Variants in TMTC1 observed in about 807,000 individuals in gnomAD.
TMTC1 encodes the protein transmembrane O-mannosyltransferase targeting cadherins 1, also known as protein O-mannosyl-transferase TMTC1.
TMTC1 carries 73 observed loss-of-function variants against 104.8 expected under a neutral mutation model. The ratio of observed to expected loss-of-function variants is 0.70; its 90% CI spans 0.58 to 0.85. The LOEUF (loss-of-function observed/expected upper bound fraction) is 0.85, where lower values mean the gene tolerates loss of function less well. TMTC1 is among the 40% of genes least tolerant of loss of function. The pLI, the probability that TMTC1 is intolerant of heterozygous loss-of-function variation, is 0.00. For missense variants in TMTC1, 1,035 were observed against 1,096.1 expected, an observed-to-expected ratio of 0.94 and a Z score of 0.79; for synonymous variants, 434 against 428.7, an observed-to-expected ratio of 1.01 and a Z score of -0.15.
At chr12:29,637,081 G>A (rs1412015974) in intron 5 of TMTC1, among the ~76,000 whole-genome samples, 1 of 52,090 alleles carries the variant, frequency 1.9e-5, no homozygotes, top group Non-Finnish European at 4.4e-5. Flanking sequence ...GAAACAAAAT[G>A]AGAAACACAC....
At chr12:29,561,703 T>C (rs1945382105) in intron 9 of TMTC1, among the ~76,000 whole-genome samples, 2 of 152,232 alleles carry the variant, frequency 1.3e-5, no homozygotes, top group Non-Finnish European at 2.9e-5. Flanking sequence ...GAGTTAAGAA[T>C]GCTGTTTACT....
chr12:29,518,679 T>G, intron 12 of TMTC1, 72 bp from the exon 13 acceptor site: 2 of 1,533,728 alleles, frequency 1.3e-6, no homozygotes, highest in Non-Finnish European at 1.8e-6. Flanking sequence ...TCACTTTCTC[T>G]TCTGACTTAT....
At chr12:29,649,478 G>T (rs1381618122) in intron 5 of TMTC1, among the ~76,000 whole-genome samples, 1 of 152,224 alleles carries the variant, frequency 6.6e-6, no homozygotes, top group Non-Finnish European at 1.5e-5. Context: ...CAGGACTGCG[G>T]ACAGGTGGGT....
At chr12:29,674,690 A>G (rs926374537) in intron 5 of TMTC1, among the ~76,000 whole-genome samples, 1 of 152,206 alleles carries the variant, frequency 6.6e-6, no homozygotes, top group Non-Finnish European at 1.5e-5. Flanking sequence ...AATCCAGCCC[A>G]TGCTCTGTTC....
intron 5 of TMTC1, among the ~76,000 whole-genome samples, chr12:29,738,162 G>A (rs1942731099): frequency 6.6e-6 from 1 of 151,984 alleles, no homozygotes; most frequent in Non-Finnish European, 1.5e-5. Context: ...TTATAGACCT[G>A]GAAATCAGTT....
intron 5 of TMTC1, among the ~76,000 whole-genome samples, chr12:29,745,852 A>G (rs926725888): frequency 1.3e-5 from 2 of 152,122 alleles, no homozygotes; most frequent in Non-Finnish European, 2.9e-5. Context: ...GTCTACCACT[A>G]TCATGCTCCT....
At chr12:29,664,113 G>A (rs984746329) in intron 5 of TMTC1, among the ~76,000 whole-genome samples, 35 of 150,478 alleles carry the variant, frequency 2.3e-4, no homozygotes, top group African/African-American at 8.0e-4. Flanking sequence ...CGTGAACCCG[G>A]GAGGCGGAGC....
intron 5 of TMTC1, among the ~76,000 whole-genome samples, chr12:29,730,007 C>T (rs570814438): frequency 6.6e-6 from 1 of 152,126 alleles, no homozygotes; most frequent in Non-Finnish European, 1.5e-5. Flanking sequence ...CAAGAGCCTG[C>T]TGATTACATA....
At chr12:29,668,197 T>G (rs1316902128) in intron 5 of TMTC1, among the ~76,000 whole-genome samples, 3 of 152,222 alleles carry the variant, frequency 2.0e-5, no homozygotes, top group Non-Finnish European at 1.5e-5. Flanking sequence ...GAAATTTATT[T>G]CTTCTAGTCC....
chr12:29,583,591 A>G lies in TMTC1; in HGVS notation c.1251-17T>C, dbSNP rs1197061189. 10 of 1,608,112 alleles carry G rather than the reference A, an allele frequency of 6.2e-6. No individual in the cohort carries two copies. Among genetic ancestry groups the G allele is most frequent in the Non-Finnish European group, 7.6e-6 (9 of 1,177,032 alleles). ...TAGCCCATGCTGGAAAACAGGGTGG[A>G]AGGAACGGGATTACTTTGGGGGTGC... On this transcript the variant is annotated splice_polypyrimidine_tract_variant and intron_variant, in intron 7 of 17. Coordinates refer to ENST00000539277, the MANE Select transcript of TMTC1 (RefSeq NM_001193451.2).
In TMTC1 at chr12:29,751,886, A is replaced by T; in HGVS notation, c.732-14T>A. ...GCCCCATTGCTCCTGTTGTGCATGG[A>T]ATTGAGGGAAAACAAAGTCAACCAG... is the stretch of plus-strand genomic sequence containing the variant. On this transcript the variant is annotated splice_polypyrimidine_tract_variant and intron_variant, in intron 4 of 17. Coordinates refer to ENST00000539277, the MANE Select transcript of TMTC1 (RefSeq NM_001193451.2). 1 of 1,526,058 alleles carries T rather than the reference A, an allele frequency of 6.6e-7. No homozygotes were observed. Among genetic ancestry groups the T allele is most frequent in the Non-Finnish European group, 8.8e-7 (1 of 1,134,558 alleles). 94.5% of individuals were successfully genotyped at this position (1,526,058 alleles called of 1,614,324 possible).
In TMTC1 at chr12:29,755,843, C is replaced by T. The variant is rs145943031; in HGVS notation, c.597G>A (p.Thr199=). The T allele has an allele frequency of 4.3e-4, 693 of 1,613,980 alleles. No homozygotes were observed. The highest frequency in any genetic ancestry group is 5.5e-4 in the Non-Finnish European group (644 of 1,180,008). The change falls in exon 4 of 18, where the codon ACG becomes ACA. Residue 199 remains threonine (T), a synonymous_variant. Coordinates refer to ENST00000539277, the MANE Select transcript of TMTC1 (RefSeq NM_001193451.2). ...TGAGCAGCAAGAAGAAGGGAGACAC[C>T]GTGGAAGGGAAACTTCCCCCAACAC... ...QGCVGGSFPS[T]VSPFFLLLSL...
At chr12:29,603,651 A>G (rs1429549782) in intron 7 of TMTC1, among the ~76,000 whole-genome samples, 1 of 152,172 alleles carries the variant, frequency 6.6e-6, no homozygotes, top group African/African-American at 2.4e-5. Flanking sequence ...TCAAACATTC[A>G]GAGCTAAGTG....
chr12:29,619,613 A>AT (rs1456652816), intron 6 of TMTC1, among the ~76,000 whole-genome samples: 7 of 152,128 alleles, frequency 4.6e-5, no homozygotes, highest in Non-Finnish European at 7.3e-5. Context: ...AACAAAAATG[A>AT]TTTTTTTCTT....
chr12:29,650,640 G>C (rs1365851579), intron 5 of TMTC1, among the ~76,000 whole-genome samples: 1 of 152,198 alleles, frequency 6.6e-6, no homozygotes. Flanking sequence ...ATAACTAAGT[G>C]TACAGACTAG....
intron 5 of TMTC1, among the ~76,000 whole-genome samples, chr12:29,750,158 G>A (rs539677254): frequency 5.7e-4 from 86 of 151,146 alleles, no homozygotes; most frequent in Admixed American, 2.2e-3. Flanking sequence ...AGCCAGCACA[G>A]CCCTTCACCT....
At chr12:29,675,671 C>A (rs1940702707) in intron 5 of TMTC1, among the ~76,000 whole-genome samples, 1 of 151,448 alleles carries the variant, frequency 6.6e-6, no homozygotes, top group African/African-American at 2.4e-5. Flanking sequence ...AGAGTTTAAT[C>A]AAAAACGAGT....
At chr12:29,594,008 A>G (rs1946346998) in intron 7 of TMTC1, among the ~76,000 whole-genome samples, 1 of 152,168 alleles carries the variant, frequency 6.6e-6, no homozygotes, top group African/African-American at 2.4e-5. Context: ...AATAAGACCC[A>G]CGACTGTTTA....
At chr12:29,776,382 G>A (rs1299767768) in intron 1 of TMTC1, among the ~76,000 whole-genome samples, 1 of 152,148 alleles carries the variant, frequency 6.6e-6, no homozygotes, top group Non-Finnish European at 1.5e-5. Context: ...GTATACATCT[G>A]AGGAAATTCC....
Sources: gnomAD v4.1 joint callset for allele counts (sites outside exome capture counted in the v4.1 genomes callset) on GRCh38, gnomAD v4.1.1 for gene constraint, MANE v1.5 for transcripts, NCBI Gene and HGNC (gene_info 2026-07-23, HGNC 2026-07-21) for gene names.